Variants in METTL13 observed in about 807,000 individuals in gnomAD.
METTL13 encodes eEF1A lysine and N-terminal methyltransferase.
Under a neutral mutation model 67.4 loss-of-function variants are expected in METTL13, and 52 were observed. The observed-to-expected ratio is 0.77, with a 90% CI of 0.62 to 0.97. The LOEUF is 0.97. Among genes scored for constraint, METTL13 ranks in the 50% least tolerant of loss-of-function variants. METTL13 has a pLI of 0.00. For synonymous variants in METTL13, 354 were observed against 353.6 expected, an observed-to-expected ratio of 1.00 and a Z score of -0.01; for missense variants, 825 against 889.6, an observed-to-expected ratio of 0.93 and a Z score of 0.92.
chr1:171,785,783 G>T (rs537625672), intron 2 of METTL13, 96 bp from the exon 3 acceptor site: 218 of 1,274,302 alleles, frequency 1.7e-4, no homozygotes, highest in Non-Finnish European at 2.2e-4. Context: ...GAAGATGCTG[G>T]TCTTGGACAG....
Position 171,783,982 on chromosome 1 carries a change from A to G in METTL13, c.396A>G (p.Glu132=). ...GTLDAVLTDE[E]EKTLQQVDRM... is the part of the protein sequence containing the mutation. The stretch of plus-strand genomic sequence containing the variant: ...TGGATGCTGTCCTGACAGATGAGGA[A>G]GAGAAGACCTTACAACAGGTGGACA... Residue 132 remains glutamate, a synonymous_variant, in exon 2 of 8, where the codon GAA becomes GAG. Coordinates refer to ENST00000361735, the MANE Select transcript of METTL13 (RefSeq NM_015935.5). 1.9e-6 allele frequency: 3 copies of G among 1,614,226 alleles called. No individual in the cohort carries two copies. The highest frequency in any genetic ancestry group is 2.5e-6 in the Non-Finnish European group (3 of 1,180,044).
At position 171,794,609 on chromosome 1, in the gene METTL13, G is replaced by T. The variant is rs113167826; in HGVS notation, c.1825+82G>T. On this transcript the variant is annotated intron_variant, in intron 7 of 7. Transcript: ENST00000361735. ...TCTTTTTAATGAAAAATGCACAGAA[G>T]TGCGAGCTCGATCAATTTTTCCAAA... 1.5e-4 allele frequency: 237 copies of T among 1,577,172 alleles called. 2 individuals carry two copies. The Middle Eastern group carries it at 3.4e-3, about 23-fold the overall frequency.
intron 5 of METTL13, 124 bp downstream of exon 5, chr1:171,790,740 C>T: frequency 9.2e-7 from 1 of 1,086,438 alleles, no homozygotes. Context: ...CTTTCTTCAT[C>T]TCAACCATGT....
At position 171,781,911 on chromosome 1, in the gene METTL13, A is replaced by G. The variant is rs2294719; in HGVS notation, c.-57A>G. ...CTGCGTGTGGTGGGCAAGCTCCTCA[A>G]ATGGTATCTCACAGGGAATAGGGGA... On this transcript the variant is annotated 5_prime_UTR_variant, in exon 1 of 8. Transcript: ENST00000361735. 741,056 of 1,600,926 alleles carry G rather than the reference A, an allele frequency of 0.46. 174,424 individuals are homozygous for G. Among genetic ancestry groups the G allele is most frequent in the East Asian group, 0.65 (29,211 of 44,728 alleles).
chr1:171,790,378 G>T (rs1463975333), intron 4 of METTL13, 74 bp from the exon 5 acceptor site: 2 of 1,391,448 alleles, frequency 1.4e-6, no homozygotes, highest in Non-Finnish European at 1.9e-6. Flanking sequence ...GCCATCTGGA[G>T]CACACTGCTG....
intron 4 of METTL13, among the ~76,000 whole-genome samples, chr1:171,789,429 G>A (rs1299749432): frequency 2.0e-5 from 3 of 152,172 alleles, no homozygotes; most frequent in Middle Eastern, 3.4e-3. Flanking sequence ...AGCAAAGGTT[G>A]GTAGTGCTAC....
In METTL13 at chr1:171,785,830, G is replaced by A. The variant is rs748204693; in HGVS notation, c.914-49G>A. The A allele has an allele frequency of 2.6e-5, 41 of 1,590,866 alleles. No homozygotes were observed. In the East Asian group the frequency reaches 9.0e-4, roughly 35 times the overall value. On this transcript the variant is annotated intron_variant, in intron 2 of 7. Coordinates refer to ENST00000361735, the MANE Select transcript of METTL13 (RefSeq NM_015935.5). ...CTGCCGTTTGGGCCATATTGGTTGTGGGCTTGATCACTTTCCAGGACTCCC... is the reference window on the plus strand; with the variant it reads ...CTGCCGTTTGGGCCATATTGGTTGTAGGCTTGATCACTTTCCAGGACTCCC...
intron 4 of METTL13, among the ~76,000 whole-genome samples, chr1:171,789,507 A>G (rs956051254): frequency 2.0e-5 from 3 of 152,220 alleles, no homozygotes; most frequent in African/African-American, 7.2e-5. Context: ...TCCTATCTCT[A>G]CCATCTGCTG....
rs77891058 is a variant in METTL13 at position 171,797,097 on chromosome 1, G to A, written c.*341G>A. Reference sequence around the variant, plus strand: ...ACTCAAGACATCCAAATTTTATTGCGTCTCTACTTATACTGGTTTGCTTTT... The same window carrying A: ...ACTCAAGACATCCAAATTTTATTGCATCTCTACTTATACTGGTTTGCTTTT... On this transcript the variant is annotated 3_prime_UTR_variant, in exon 8 of 8. Coordinates refer to ENST00000361735, the MANE Select transcript of METTL13 (RefSeq NM_015935.5). 732 of 268,940 alleles carry A rather than the reference G, an allele frequency of 2.7e-3. 3 individuals are homozygous for A. Among genetic ancestry groups the A allele is most frequent in the African/African-American group, 0.015 (671 of 45,348 alleles). The allele number at this position is 268,940 out of a possible 1,614,324, so 16.7% of individuals were successfully genotyped here.
At chr1:171,792,347 CA>C (rs1318017232) in intron 6 of METTL13, 112 bp downstream of exon 6, 20 of 1,184,520 alleles carry the variant, frequency 1.7e-5, no homozygotes, top group Non-Finnish European at 2.2e-5. Flanking sequence ...AGTATCGTTC[CA>C]GTCTTCAGCC....
At chr1:171,787,523 T>C (rs1476953554) in intron 3 of METTL13, among the ~76,000 whole-genome samples, 2 of 152,176 alleles carry the variant, frequency 1.3e-5, no homozygotes, top group Admixed American at 6.5e-5. Flanking sequence ...GAGATCTTTA[T>C]GTGTCCAGTT....
chr1:171,782,943 C>T (rs1284974948), intron 1 of METTL13, among the ~76,000 whole-genome samples: 1 of 152,044 alleles, frequency 6.6e-6, no homozygotes, highest in Non-Finnish European at 1.5e-5. Flanking sequence ...CTTTATGTGC[C>T]AAGCCTTATG....
In METTL13 at chr1:171,783,727, A is replaced by T. The variant is rs1656902789; in HGVS notation, c.154-13A>T. ...TTGATTACCTCCCTCTTGTCTGTGA[A>T]TTTTTTCTCCAGGTGCTGGTGATTG... On this transcript the variant is annotated splice_polypyrimidine_tract_variant and intron_variant, in intron 1 of 7. Transcript: ENST00000361735. 3 of 1,590,012 alleles carry T rather than the reference A, an allele frequency of 1.9e-6. No individual in the cohort carries two copies. The highest frequency in any genetic ancestry group is 2.6e-6 in the Non-Finnish European group (3 of 1,166,474).
chr1:171,783,109 G>C (rs1206835496), intron 1 of METTL13, among the ~76,000 whole-genome samples: 1 of 151,504 alleles, frequency 6.6e-6, no homozygotes, highest in Non-Finnish European at 1.5e-5. Context: ...GTCATGTGGG[G>C]ATTTAAACTC....
In METTL13 at chr1:171,784,329, A is replaced by AG. The variant is rs1422490363; in HGVS notation, c.744dup (p.Arg249AlafsTer71). On this transcript the variant is annotated frameshift_variant, in exon 2 of 8. Coordinates refer to ENST00000361735, the MANE Select transcript of METTL13 (RefSeq NM_015935.5). LOFTEE classifies it high-confidence loss of function. ...GAGCGGCTGGCCGAGGCGGTGCAGG[A>AG]GCGACAGCAGTATGCCTGGCTGTGC... The AG allele has an allele frequency of 1.9e-6, 3 of 1,594,936 alleles. No individual in the cohort carries two copies. Among genetic ancestry groups the AG allele is most frequent in the Non-Finnish European group, 2.6e-6 (3 of 1,169,612 alleles).
chr1:171,786,126 G>C, intron 3 of METTL13, 48 bp downstream of exon 3: 1 of 1,562,836 alleles, frequency 6.4e-7, no homozygotes, highest in Non-Finnish European at 8.7e-7. Flanking sequence ...AGTCATGTTA[G>C]CAGCCAGGGA....
At chr1:171,783,146 C>G (rs1656882731) in intron 1 of METTL13, among the ~76,000 whole-genome samples, 1 of 151,028 alleles carries the variant, frequency 6.6e-6, no homozygotes, top group South Asian at 2.1e-4. Context: ...AGAGCATATG[C>G]ACATCTCTTT....
In METTL13 at chr1:171,796,544, C is replaced by T. The variant is rs1657382440; in HGVS notation, c.1888C>T (p.Leu630Phe). 1 of 1,614,204 alleles carries T rather than the reference C, an allele frequency of 6.2e-7. No individual in the cohort carries two copies. The highest frequency in any genetic ancestry group is 8.5e-7 in the Non-Finnish European group (1 of 1,180,042). ...LGLKDSVLAG[L>F]KAVFPLLYVR... ...GCTAAAAGACTCAGTGCTGGCTGGG[C>T]TCAAGGCAGTGTTCCCCCTCCTATA... Residue 630 changes from leucine to phenylalanine, a missense_variant, in exon 8 of 8, where the codon CTC becomes TTC. Transcript: ENST00000361735.
chr1:171,782,773 A>G (rs1004985703), intron 1 of METTL13, among the ~76,000 whole-genome samples: 1 of 152,186 alleles, frequency 6.6e-6, no homozygotes, highest in African/African-American at 2.4e-5. Context: ...CCCAAGTTTC[A>G]GGCACTGCTC....
Sources: gnomAD v4.1 joint callset for allele counts (sites outside exome capture counted in the v4.1 genomes callset) on GRCh38, gnomAD v4.1.1 for gene constraint, MANE v1.5 for transcripts, NCBI Gene and HGNC (gene_info 2026-07-23, HGNC 2026-07-21) for gene names.